ATF7: variants seen among roughly 807,000 people sequenced by gnomAD.
ATF7 encodes the protein cyclic AMP-dependent transcription factor ATF-7.
ATF7 carries 10 observed loss-of-function variants against 50.4 expected under a neutral mutation model. That is an observed-to-expected ratio of 0.20 (90% CI 0.12 to 0.34). ATF7 has a LOEUF of 0.34. Among genes scored for constraint, ATF7 ranks in the 10% least tolerant of loss-of-function variants. The pLI is 1.00. For synonymous variants in ATF7, 201 were observed against 226.4 expected (o/e 0.89, Z 1.01); for missense variants, 465 against 613.9 (o/e 0.76, Z 2.56).
Position 53,543,321 on chromosome 12 carries a change from G to A in ATF7, c.264+9C>T, listed in dbSNP as rs201454426. The A allele has an allele frequency of 3.1e-5, 48 of 1,572,870 alleles. No homozygotes were observed. Among genetic ancestry groups the A allele is most frequent in the Non-Finnish European group, 9.5e-6 (11 of 1,157,658 alleles). ...CCACCAGTTTTTTGGCAACAGTCCTGCTTCTTGCCTTTTTCTCATCCTCAT... is the reference window on the plus strand; with the variant it reads ...CCACCAGTTTTTTGGCAACAGTCCTACTTCTTGCCTTTTTCTCATCCTCAT... On this transcript the variant is annotated intron_variant, in intron 4 of 11. Transcript: ENST00000420353.
intron 2 of ATF7, among the ~76,000 whole-genome samples, chr12:53,578,035 G>C (rs941857646): frequency 6.6e-6 from 1 of 152,102 alleles, no homozygotes; most frequent in South Asian, 2.1e-4. Flanking sequence ...CAAGCAGAGA[G>C]TACAGTCAAA....
intron 2 of ATF7, among the ~76,000 whole-genome samples, chr12:53,573,037 G>A (rs1337991073): frequency 3.3e-5 from 5 of 149,620 alleles, no homozygotes; most frequent in African/African-American, 1.2e-4. Context: ...TGCCCGCCTC[G>A]GCCTCCCAAA....
chr12:53,548,931 G>T (rs1220924032), intron 3 of ATF7, among the ~76,000 whole-genome samples: 1 of 152,170 alleles, frequency 6.6e-6, no homozygotes, highest in African/African-American at 2.4e-5. Context: ...GCTGCAGTGA[G>T]CTGTGATTGT....
Position 53,517,303 on chromosome 12 carries a change from T to C in ATF7, c.1286A>G (p.Gln429Arg), listed in dbSNP as rs1273701636. 6.2e-7 allele frequency: 1 copy of C among 1,613,984 alleles called. No individual in the cohort carries two copies. The highest frequency in any genetic ancestry group is 1.1e-5 in the South Asian group (1 of 91,086). ...GCTAGGGGCTGTTGCTGAGCTGTGC[T>C]GAATCACAGGGGCTGGAGAACCCGT... ...EPTGSPAPVI[Q>R]HSSATAPSNG... Residue 429 changes from glutamine (Q) to arginine (R), a missense_variant, in exon 12 of 12, where the codon CAG becomes CGG. Gln to Arg is a conservative substitution (Grantham distance 43, BLOSUM62 1). Coordinates refer to ENST00000420353, the MANE Select transcript of ATF7 (RefSeq NM_006856.3).
At chr12:53,615,442 AG>A (rs1469223016) in intron 1 of ATF7, among the ~76,000 whole-genome samples, 1 of 152,220 alleles carries the variant, frequency 6.6e-6, no homozygotes, top group Admixed American at 6.5e-5. Context: ...TGTTGGTACC[AG>A]AAATATGATG....
rs1216717668 is a variant in ATF7, at chr12:53,515,757, C to G, written c.*1380G>C. ...CTTCCTCCCTCCTTTCAATCTTATA[C>G]TCAAGTAAACCCACTCAGCATCTTG... On this transcript the variant is annotated 3_prime_UTR_variant, in exon 12 of 12. Coordinates refer to ENST00000420353, the MANE Select transcript of ATF7 (RefSeq NM_006856.3). 4 of 152,192 alleles carry G rather than the reference C, an allele frequency of 2.6e-5. No individual in the cohort carries two copies. Among genetic ancestry groups the G allele is most frequent in the Non-Finnish European group, 2.9e-5 (2 of 68,054 alleles). The allele number at this position is 152,192 out of a possible 1,614,324, so 9.4% of individuals were successfully genotyped here.
At chr12:53,562,098 A>G (rs1462382199) in intron 2 of ATF7, among the ~76,000 whole-genome samples, 2 of 152,228 alleles carry the variant, frequency 1.3e-5, no homozygotes, top group East Asian at 3.8e-4. Context: ...AGCTTAACAA[A>G]TAAGTCCACT....
chr12:53,511,393 C>A (rs904911826), downstream of ATF7, among the ~76,000 whole-genome samples: 1 of 152,102 alleles, frequency 6.6e-6, no homozygotes, highest in African/African-American at 2.4e-5. Context: ...GGATTACAGG[C>A]GCCCGCCACC....
chr12:53,551,537 C>A (rs995234070), intron 3 of ATF7, among the ~76,000 whole-genome samples: 3 of 152,172 alleles, frequency 2.0e-5, no homozygotes, highest in Non-Finnish European at 4.4e-5. Flanking sequence ...TACAAATCTA[C>A]AAGCTCCTAG....
chr12:53,566,724 T>C (rs1251968468), intron 2 of ATF7, among the ~76,000 whole-genome samples: 1 of 152,100 alleles, frequency 6.6e-6, no homozygotes, highest in Non-Finnish European at 1.5e-5. Flanking sequence ...CACCTTGTGT[T>C]ATAAATGTTG....
At position 53,524,594 on chromosome 12, in the gene ATF7, T is replaced by C. The variant is rs1470183512; in HGVS notation, c.1095A>G (p.Glu365=). ...LWVSSLEKKA[E]ELTSQNIQLS... is the part of the protein sequence containing the mutation. ...GCTGAATGTTCTGAGAAGTGAGTTC[T>C]TCGGCCTTCTTCTCTAGGGAGGACA... Residue 365 remains glutamate, a synonymous_variant, in exon 10 of 12, where the codon GAA becomes GAG. Transcript: ENST00000420353. The surrounding 1 kb of genome is among the most constrained non-coding windows in gnomAD (Gnocchi z 4.6). 1 of 1,614,028 alleles carries C rather than the reference T, an allele frequency of 6.2e-7. No individual in the cohort carries two copies. Among genetic ancestry groups the C allele is most frequent in the Non-Finnish European group, 8.5e-7 (1 of 1,179,900 alleles).
intron 1 of ATF7, among the ~76,000 whole-genome samples, chr12:53,611,356 G>A (rs1943871772): frequency 6.6e-6 from 1 of 152,048 alleles, no homozygotes; most frequent in South Asian, 2.1e-4. Flanking sequence ...CGGAGGCTGA[G>A]GCAGGAGAAT....
At chr12:53,549,303 GA>G (rs1330088911) in intron 3 of ATF7, among the ~76,000 whole-genome samples, 8 of 136,722 alleles carry the variant, frequency 5.9e-5, no homozygotes, top group African/African-American at 2.2e-4. Flanking sequence ...AAAAAAGAAA[GA>G]AAAAAATACC....
chr12:53,587,851 T>A (rs1237495407), intron 2 of ATF7, among the ~76,000 whole-genome samples: 20 of 58,582 alleles, frequency 3.4e-4, no homozygotes, highest in Middle Eastern at 0.012. Context: ...ATATTTTTTT[T>A]TTTTTTTCTT....
At chr12:53,552,747 G>A in intron 2 of ATF7, 110 bp from the exon 3 acceptor site, 1 of 813,036 alleles carries the variant, frequency 1.2e-6, no homozygotes, top group Non-Finnish European at 2.0e-6. Context: ...TCCCTGGAAA[G>A]AAGAACTGGA....
rs1388775922 is a variant in ATF7 at position 53,597,653 on chromosome 12, C to CA, written c.48+3299dup. Among the ~76,000 whole-genome samples, 4 of 151,862 alleles carry CA rather than the reference C, an allele frequency of 2.6e-5. No homozygotes were observed. In the East Asian group the frequency reaches 7.8e-4, roughly 29 times the overall value. ...TGAAACCCTGTCTCTACTAAAAATA[C>CA]AAAAAATTAGCTGGGTGTGGTGGCG... On this transcript the variant is annotated intron_variant, in intron 2 of 11. Transcript: ENST00000420353.
chr12:53,572,258 T>A (rs1475562773), intron 2 of ATF7, among the ~76,000 whole-genome samples: 1 of 152,110 alleles, frequency 6.6e-6, no homozygotes, highest in Non-Finnish European at 1.5e-5. Flanking sequence ...CATAGATCTA[T>A]CAGAGAAGTG....
intron 3 of ATF7, among the ~76,000 whole-genome samples, chr12:53,549,805 C>T (rs1435734339): frequency 1.3e-5 from 2 of 151,992 alleles, no homozygotes; most frequent in Non-Finnish European, 2.9e-5. Context: ...AGGCTTGTCT[C>T]GAACTCCTGA....
intron 2 of ATF7, among the ~76,000 whole-genome samples, chr12:53,598,357 TG>T (rs2137809248): frequency 6.6e-6 from 1 of 152,334 alleles, no homozygotes; most frequent in African/African-American, 2.4e-5. Context: ...GTTGTACCTT[TG>T]TATCCTTTTT....
Sources: gnomAD v4.1 joint callset for allele counts (sites outside exome capture counted in the v4.1 genomes callset) on GRCh38, gnomAD v4.1.1 for gene constraint, Gnocchi (gnomAD v3.1) non-coding constraint, MANE v1.5 for transcripts, NCBI Gene and HGNC (gene_info 2026-07-23, HGNC 2026-07-21) for gene names.